The following HNRNPH2 variants were observed in gnomAD, a reference collection of about 807,000 sequenced individuals.
HNRNPH2 encodes heterogeneous nuclear ribonucleoprotein H2, also known as FTP-3.
For synonymous variants in HNRNPH2, 128 were observed against 128.2 expected (o/e 1.00, Z 0.01); for missense variants, 115 against 352.9 (o/e 0.33, Z 5.40).
chrX:101,412,060 C>G lies in HNRNPH2; in HGVS notation c.72C>G (p.Ala24=), dbSNP rs180759222. ...KVRGLPWSCS[A]DEVMRFFSDC... Reference sequence around the variant, plus strand: ...GGGGCCTACCCTGGTCCTGCTCAGCCGATGAAGTGATGCGCTTCTTCTCTG... The same window carrying G: ...GGGGCCTACCCTGGTCCTGCTCAGCGGATGAAGTGATGCGCTTCTTCTCTG... The change falls in exon 2 of 2, where the codon GCC becomes GCG. Residue 24 remains alanine, a synonymous_variant. Transcript: ENST00000316594. The G allele has an allele frequency of 1.2e-5, 14 of 1,210,412 alleles. No homozygotes were observed. In the Admixed American group the frequency reaches 2.8e-4, roughly 24 times the overall value.
rs949642085 is a variant in HNRNPH2 at position 101,411,276 on chromosome X, A to G, written c.-53-660A>G. Among the ~76,000 whole-genome samples, 6 of 108,655 alleles carry G rather than the reference A, an allele frequency of 5.5e-5. No individual in the cohort carries two copies. In the East Asian group the frequency reaches 1.7e-3, roughly 31 times the overall value. The allele number at this position is 108,655 out of a possible 115,157, so 94.4% of individuals were successfully genotyped here. On this transcript the variant is annotated intron_variant, in intron 1 of 1. Transcript: ENST00000316594. ...TGAAGATATTATATAAAGAACTTAC[A>G]TAACCTGTGTTTTGTTTGTGTTTTA...
At position 101,412,430 on chromosome X, in the gene HNRNPH2, C is replaced by G. The variant is rs1928837157; in HGVS notation, c.442C>G (p.Gln148Glu). The G allele has an allele frequency of 1.7e-6, 2 of 1,210,493 alleles. No individual in the cohort carries two copies. The highest frequency in any genetic ancestry group is 2.2e-6 in the Non-Finnish European group (2 of 895,140). The stretch of plus-strand genomic sequence containing the variant: ...TGGGATGACACTGCCAGTGGACTTT[C>G]AGGGGCGAAGCACAGGGGAAGCCTT... Reference protein sequence around the residue: ...PNGMTLPVDFQGRSTGEAFVQ... With the variant: ...PNGMTLPVDFEGRSTGEAFVQ... Residue 148 changes from glutamine to glutamate, a missense_variant, in exon 2 of 2, where the codon CAG becomes GAG. Physicochemically the swap from Gln to Glu is conservative, Grantham distance 29. Coordinates refer to ENST00000316594, the MANE Select transcript of HNRNPH2 (RefSeq NM_019597.5).
intron 1 of HNRNPH2, among the ~76,000 whole-genome samples, chrX:101,410,661 T>G (rs1928758115): frequency 9.0e-6 from 1 of 111,697 alleles, no homozygotes; most frequent in African/African-American, 3.3e-5. Context: ...AAGTTCTAAC[T>G]AATCTCCCTA....
chrX:101,411,931 TTC>T lies in HNRNPH2; in HGVS notation c.-53-4_-53-3del. 1 of 1,136,290 alleles carries T rather than the reference TTC, an allele frequency of 8.8e-7. No individual in the cohort carries two copies. The allele number at this position is 1,136,290 out of a possible 1,213,427, so 93.6% of individuals were successfully genotyped here. A position where few individuals can be genotyped will look rare whatever the true frequency, so the allele number is the denominator to read the frequency against. ...TGACAGTAGTCTTCTTTTTTTTTTT[TTC>T]AGCTACACCAAAATTGCATTGAGCC... On this transcript the variant is annotated splice_polypyrimidine_tract_variant and splice_region_variant and intron_variant, in intron 1 of 1. Transcript: ENST00000316594.
At chrX:101,410,718 G>A (rs1928761864) in intron 1 of HNRNPH2, among the ~76,000 whole-genome samples, 2 of 111,331 alleles carry the variant, frequency 1.8e-5, no homozygotes, top group South Asian at 7.4e-4. Flanking sequence ...TGTTGCCAGG[G>A]TGATCTGTCT....
intron 1 of HNRNPH2, among the ~76,000 whole-genome samples, chrX:101,411,596 G>C (rs1390588051): frequency 9.2e-6 from 1 of 108,180 alleles, no homozygotes; most frequent in African/African-American, 3.4e-5. Context: ...TGTATTTTTA[G>C]TAGAGACGGG....
Position 101,412,372 on chromosome X carries a change from T to A in HNRNPH2, c.384T>A (p.Val128=), listed in dbSNP as rs1389972988. Residue 128 remains valine, a synonymous_variant, in exon 2 of 2, where the codon GTT becomes GTA. Coordinates refer to ENST00000316594, the MANE Select transcript of HNRNPH2 (RefSeq NM_019597.5). ...TTGGCTGTAGCAAGGAAGAGATTGTTCAGTTCTTTTCAGGGTTGGAAATTG... is the reference window on the plus strand; with the variant it reads ...TTGGCTGTAGCAAGGAAGAGATTGTACAGTTCTTTTCAGGGTTGGAAATTG... ...LPFGCSKEEI[V]QFFSGLEIVP... is the part of the protein sequence containing the mutation. 2.5e-6 allele frequency: 3 copies of A among 1,210,813 alleles called. No homozygotes were observed. The highest frequency in any genetic ancestry group is 3.4e-6 in the Non-Finnish European group (3 of 895,398).
chrX:101,409,147 CAAAA>C (rs58205291), intron 1 of HNRNPH2, among the ~76,000 whole-genome samples: 2 of 57,414 alleles, frequency 3.5e-5, no homozygotes, highest in Non-Finnish European at 7.9e-5. Flanking sequence ...ATAAGGCAAG[CAAAA>C]AAAAAAAAAA....
chrX:101,411,817 C>A, intron 1 of HNRNPH2, 119 bp from the exon 2 acceptor site: 1 of 779,673 alleles, frequency 1.3e-6, no homozygotes, highest in Non-Finnish European at 1.8e-6. Context: ...TCTGTTTATA[C>A]AGACGTCTTA....
chrX:101,408,626 A>G (rs3027582), intron 1 of HNRNPH2, among the ~76,000 whole-genome samples: 11 of 111,189 alleles, frequency 9.9e-5, no homozygotes, highest in Middle Eastern at 9.3e-3. Context: ...AGAAAAACAG[A>G]TACTGAAAAT....
In HNRNPH2 at chrX:101,412,333, T is replaced by C; in HGVS notation, c.345T>C (p.Leu115=). 1.1e-5 allele frequency: 13 copies of C among 1,211,936 alleles called. No individual in the cohort carries two copies. Among genetic ancestry groups the C allele is most frequent in the Non-Finnish European group, 1.5e-5 (13 of 895,404 alleles). ...CTGCCAACGATGGCTTCGTCCGGCT[T>C]AGAGGACTCCCATTTGGCTGTAGCA... ...PDTANDGFVR[L]RGLPFGCSKE... The change falls in exon 2 of 2, where the codon CTT becomes CTC. Residue 115 remains leucine, a synonymous_variant. Coordinates refer to ENST00000316594, the MANE Select transcript of HNRNPH2 (RefSeq NM_019597.5).
intron 1 of HNRNPH2, among the ~76,000 whole-genome samples, chrX:101,408,938 T>C (rs899985905): frequency 2.7e-5 from 3 of 111,690 alleles, no homozygotes; most frequent in Admixed American, 1.9e-4. Flanking sequence ...GTCGTTACAG[T>C]TTTTTAAAAA....
chrX:101,411,893 G>T, intron 1 of HNRNPH2, 43 bp from the exon 2 acceptor site: 1 of 1,115,515 alleles, frequency 9.0e-7, no homozygotes, highest in Non-Finnish European at 1.2e-6. Flanking sequence ...ACTATATCAC[G>T]AGCATTTTTC....
intron 1 of HNRNPH2, among the ~76,000 whole-genome samples, chrX:101,410,217 C>T (rs112246099): frequency 2.0e-4 from 22 of 112,341 alleles, no homozygotes; most frequent in African/African-American, 7.1e-4. Flanking sequence ...ATAAATCTGT[C>T]TGAATTTCAG....
At position 101,414,066 on chromosome X, in the gene HNRNPH2, T is replaced by G. The variant is rs1260171273; in HGVS notation, c.*728T>G. Reference sequence around the variant, plus strand: ...TTTAAATCTTTCCTTGTATTGTGATTTCCATTTAGATGTATTGTACTAAGT... The same window carrying G: ...TTTAAATCTTTCCTTGTATTGTGATGTCCATTTAGATGTATTGTACTAAGT... On this transcript the variant is annotated 3_prime_UTR_variant, in exon 2 of 2. Coordinates refer to ENST00000316594, the MANE Select transcript of HNRNPH2 (RefSeq NM_019597.5). 8.2e-6 allele frequency: 1 copy of G among 122,390 alleles called. No homozygotes were observed. The highest frequency in any genetic ancestry group is 1.9e-5 in the Non-Finnish European group (1 of 53,145). 10.1% of individuals were successfully genotyped at this position (122,390 alleles called of 1,213,427 possible).
chrX:101,408,435 C>G (rs1440098709), intron 1 of HNRNPH2, 116 bp downstream of exon 1: 1 of 157,363 alleles, frequency 6.4e-6, no homozygotes, highest in Non-Finnish European at 1.2e-5. Flanking sequence ...CCCTCGCGCT[C>G]TCTCCCTCCT....
rs1928840060 is a variant in HNRNPH2 at position 101,412,554 on chromosome X, C to A, written c.566C>A (p.Ala189Asp). 8.3e-7 allele frequency: 1 copy of A among 1,211,638 alleles called. No individual in the cohort carries two copies. Among genetic ancestry groups the A allele is most frequent in the Non-Finnish European group, 1.1e-6 (1 of 895,257 alleles). Reference protein sequence around the residue: ...RYIEIFKSSRAEVRTHYDPPR... With the variant: ...RYIEIFKSSRDEVRTHYDPPR... ...ATTGAGATCTTCAAGAGTAGCCGAGCTGAAGTTCGAACCCACTATGATCCC... is the reference window on the plus strand; with the variant it reads ...ATTGAGATCTTCAAGAGTAGCCGAGATGAAGTTCGAACCCACTATGATCCC... The change falls in exon 2 of 2, where the codon GCT (alanine) becomes GAT (aspartate). Residue 189 changes from alanine to aspartate, a missense_variant. Ala to Asp is a moderately radical substitution (Grantham distance 126). Transcript: ENST00000316594.
Position 101,412,705 on chromosome X carries a change from G to A in HNRNPH2, c.717G>A (p.Gly239=), listed in dbSNP as rs1555988460. ...TGAGGCGTGGTGCCTATGGTGGAGG[G>A]TATGGAGGCTATGATGACTATGGTG... is the stretch of plus-strand genomic sequence containing the variant. ...ERMRRGAYGG[G]YGGYDDYGGY... is the part of the protein sequence containing the mutation. Residue 239 remains glycine, a synonymous_variant, in exon 2 of 2, where the codon GGG becomes GGA. Transcript: ENST00000316594. 8.3e-7 allele frequency: 1 copy of A among 1,211,404 alleles called. No individual in the cohort carries two copies. The highest frequency in any genetic ancestry group is 2.2e-5 in the Admixed American group (1 of 46,027).
At chrX:101,410,268 C>T (rs782346814) in intron 1 of HNRNPH2, among the ~76,000 whole-genome samples, 1 of 112,182 alleles carries the variant, frequency 8.9e-6, no homozygotes, top group African/African-American at 3.2e-5. Context: ...TATTTGCTGT[C>T]AAAAGGCGTG....
Sources: allele counts gnomAD v4.1 joint callset (sites outside exome capture counted in the v4.1 genomes callset), GRCh38; gene constraint gnomAD v4.1.1; transcripts MANE v1.5; gene names NCBI Gene and HGNC (gene_info 2026-07-23, HGNC 2026-07-21).